CABIN1: variants seen among roughly 807,000 people sequenced by gnomAD.
The protein encoded by CABIN1 is calcineurin binding protein 1.
Under a neutral mutation model 227.7 loss-of-function variants are expected in CABIN1, and 133 were observed. That is an observed-to-expected ratio of 0.58 (90% CI 0.51 to 0.67). The LOEUF is 0.67. CABIN1 is among the 30% of genes least tolerant of loss of function. CABIN1 has a pLI of 0.00. For missense variants in CABIN1, 2,408 were observed against 2,852.5 expected, an observed-to-expected ratio of 0.84 and a Z score of 3.55; for synonymous variants, 1,086 against 1,155.1, an observed-to-expected ratio of 0.94 and a Z score of 1.21.
At chr22:24,105,957 A>G (rs1368789490) in intron 26 of CABIN1, among the ~76,000 whole-genome samples, 1 of 152,158 alleles carries the variant, frequency 6.6e-6, no homozygotes, top group East Asian at 1.9e-4. Flanking sequence ...ATGTCAGCCC[A>G]TTTGAACCTA....
Position 24,119,637 on chromosome 22 carries a change from C to G in CABIN1, c.4571C>G (p.Pro1524Arg). The G allele has an allele frequency of 6.2e-7, 1 of 1,614,008 alleles. No homozygotes were observed. The highest frequency in any genetic ancestry group is 8.5e-7 in the Non-Finnish European group (1 of 1,180,012). The change falls in exon 28 of 37, where the codon CCC becomes CGC. Residue 1524 changes from proline (P) to arginine (R), a missense_variant. By Grantham distance (103) the Pro-to-Arg change is moderately radical. This residue lies in a region of CABIN1 where 649 missense variants were observed against 910.3 expected (regional missense o/e 0.71). Coordinates refer to ENST00000263119, the MANE Select transcript of CABIN1 (RefSeq NM_012295.4). ...TTCCGCCTGTGCCTGAGCCGCTTCCCCCAGCACTATAAGAGTCTCTACCGT... is the reference window on the plus strand; with the variant it reads ...TTCCGCCTGTGCCTGAGCCGCTTCCGCCAGCACTATAAGAGTCTCTACCGT... ...ASFRLCLSRF[P>R]QHYKSLYRLA...
intron 29 of CABIN1, among the ~76,000 whole-genome samples, chr22:24,142,451 C>T (rs2044825817): frequency 6.6e-6 from 1 of 152,222 alleles, no homozygotes; most frequent in Non-Finnish European, 1.5e-5. Context: ...AGGAACCCAG[C>T]TGTGGCCAGG....
chr22:24,172,079 AG>A, intron 34 of CABIN1, 84 bp downstream of exon 34: 3 of 1,495,182 alleles, frequency 2.0e-6, no homozygotes, highest in Non-Finnish European at 2.7e-6. Context: ...AGTATGGGTA[AG>A]GGAGGCAAGC....
intron 29 of CABIN1, among the ~76,000 whole-genome samples, chr22:24,145,053 A>T (rs116170365): frequency 1.3e-5 from 2 of 152,236 alleles, no homozygotes; most frequent in African/African-American, 4.8e-5. Flanking sequence ...CAGAAGATGC[A>T]GCATGAGGCA....
At chr22:24,081,326 A>G (rs2040792702) in intron 19 of CABIN1, among the ~76,000 whole-genome samples, 2 of 152,096 alleles carry the variant, frequency 1.3e-5, no homozygotes, top group South Asian at 4.1e-4. Context: ...ATTCTAAACT[A>G]CTATTTCTTT....
chr22:24,178,203 A>G lies in CABIN1; in HGVS notation c.*7A>G. On this transcript the variant is annotated 3_prime_UTR_variant, in exon 37 of 37. Transcript: ENST00000263119. ...CGACTACATGGACATTTGAGGGGCC[A>G]CTGCAGCCCCACCGCCACGCCCCAG... The G allele has an allele frequency of 6.2e-7, 1 of 1,612,620 alleles. No individual in the cohort carries two copies. Among genetic ancestry groups the G allele is most frequent in the Admixed American group, 1.7e-5 (1 of 60,020 alleles).
At chr22:24,101,197 A>C (rs904882814) in intron 26 of CABIN1, among the ~76,000 whole-genome samples, 2 of 152,234 alleles carry the variant, frequency 1.3e-5, no homozygotes, top group Non-Finnish European at 2.9e-5. Flanking sequence ...GAGACCTTGC[A>C]TTGGAGCTGC....
rs570887381 is a variant in CABIN1, at chr22:24,124,682, A to G, written c.4632+4984A>G. Reference sequence around the variant, plus strand: ...TGAGCCCATATAGGCACCCCAGGAGAGAGAGCACATGGCATCAGACACCTC... The same window carrying G: ...TGAGCCCATATAGGCACCCCAGGAGGGAGAGCACATGGCATCAGACACCTC... On this transcript the variant is annotated intron_variant, in intron 28 of 36. Coordinates refer to ENST00000263119, the MANE Select transcript of CABIN1 (RefSeq NM_012295.4). Among the ~76,000 whole-genome samples the G allele has an allele frequency of 9.8e-5, 15 of 152,322 alleles. No homozygotes were observed. In the South Asian group the frequency reaches 2.9e-3, roughly 29 times the overall value.
At chr22:24,136,586 G>A (rs1275085568) in intron 29 of CABIN1, among the ~76,000 whole-genome samples, 3 of 137,054 alleles carry the variant, frequency 2.2e-5, no homozygotes, top group African/African-American at 8.4e-5. Flanking sequence ...GGATGGTCTC[G>A]AACTCCTGGC....
chr22:24,060,582 T>G lies in CABIN1; in HGVS notation c.1617+441T>G, dbSNP rs145126246. On this transcript the variant is annotated intron_variant, in intron 12 of 36. Coordinates refer to ENST00000263119, the MANE Select transcript of CABIN1 (RefSeq NM_012295.4). The stretch of plus-strand genomic sequence containing the variant: ...CTGGAGGAAAGGGAAACATTTGGTT[T>G]GTTTGAGTTGGCAAGGACTGTGACT... Among the ~76,000 whole-genome samples, 268 of 152,222 alleles carry G rather than the reference T, an allele frequency of 1.8e-3. 1 individual carries two copies. The highest frequency in any genetic ancestry group is 5.9e-3 in the African/African-American group (246 of 41,548).
intron 1 of CABIN1, among the ~76,000 whole-genome samples, chr22:24,026,625 A>G (rs947101175): frequency 1.3e-5 from 2 of 151,860 alleles, no homozygotes; most frequent in African/African-American, 2.4e-5. Context: ...TTGTTCCGGA[A>G]CCATTTGTTG....
intron 29 of CABIN1, among the ~76,000 whole-genome samples, chr22:24,135,403 G>A (rs1331971497): frequency 1.3e-5 from 2 of 152,006 alleles, no homozygotes; most frequent in East Asian, 1.9e-4. Context: ...AAAAAAAAGA[G>A]TGTGACCAAT....
At chr22:24,031,231 C>A (rs1360734523) in intron 1 of CABIN1, among the ~76,000 whole-genome samples, 1 of 152,142 alleles carries the variant, frequency 6.6e-6, no homozygotes, top group Non-Finnish European at 1.5e-5. Context: ...AGGCCTGTGT[C>A]TTGGCATAAG....
intron 27 of CABIN1, 115 bp from the exon 28 acceptor site, chr22:24,119,252 A>G (rs1456536004): frequency 3.3e-6 from 3 of 909,012 alleles, no homozygotes; most frequent in East Asian, 2.4e-5. Flanking sequence ...CAGCAAGGGC[A>G]TTGATCCAGC....
chr22:24,108,427 A>C (rs985158166), intron 26 of CABIN1, among the ~76,000 whole-genome samples: 1 of 152,250 alleles, frequency 6.6e-6, no homozygotes, highest in Non-Finnish European at 1.5e-5. Context: ...CATAACTGCC[A>C]TTCAGTGCTC....
At chr22:24,068,210 G>T (rs964066317) in intron 16 of CABIN1, among the ~76,000 whole-genome samples, 2 of 152,216 alleles carry the variant, frequency 1.3e-5, no homozygotes, top group African/African-American at 4.8e-5. Context: ...GAGGGAGAAG[G>T]GGGTGGAGGG....
chr22:24,055,232 G>A, intron 9 of CABIN1, 73 bp downstream of exon 9: 1 of 1,542,272 alleles, frequency 6.5e-7, no homozygotes, highest in South Asian at 1.1e-5. Context: ...AGACTGCTGG[G>A]GAGCCCTGCC....
intron 6 of CABIN1, among the ~76,000 whole-genome samples, chr22:24,045,098 T>TG (rs1425950304): frequency 2.0e-5 from 3 of 152,072 alleles, no homozygotes; most frequent in South Asian, 2.1e-4. Flanking sequence ...TTTTTGTTTT[T>TG]TATTTTTAGT....
At chr22:24,094,907 C>T (rs2041795453) in intron 24 of CABIN1, among the ~76,000 whole-genome samples, 1 of 151,952 alleles carries the variant, frequency 6.6e-6, no homozygotes, top group Non-Finnish European at 1.5e-5. Flanking sequence ...TTCTCCTCTG[C>T]TATTGTGCCT....
Sources: gnomAD v4.1 joint callset for allele counts (sites outside exome capture counted in the v4.1 genomes callset) on GRCh38, gnomAD v4.1.1 for gene constraint, gnomAD v4.1.1 regional missense constraint, MANE v1.5 for transcripts, NCBI Gene and HGNC (gene_info 2026-07-23, HGNC 2026-07-21) for gene names.